The following LYST variants were observed in gnomAD, a reference collection of about 807,000 sequenced individuals.
LYST encodes the protein lysosomal-trafficking regulator.
Under a neutral mutation model 413.6 loss-of-function variants are expected in LYST, and 192 were observed. That is an observed-to-expected ratio of 0.46 (90% CI 0.41 to 0.52). The LOEUF is 0.52. LYST is among the 20% of genes least tolerant of loss of function. The pLI is 0.00. For synonymous variants in LYST, 1,525 were observed against 1,567.3 expected (o/e 0.97, Z 0.64); for missense variants, 3,815 against 4,499.9 (o/e 0.85, Z 4.35).
chr1:235,823,587 G>A (rs1233783931), intron 3 of LYST, among the ~76,000 whole-genome samples: 1 of 152,202 alleles, frequency 6.6e-6, no homozygotes, highest in Non-Finnish European at 1.5e-5. Context: ...CATGGCCTCT[G>A]CCCTTCAGGT....
At chr1:235,814,486 T>C (rs1241286818) in intron 3 of LYST, among the ~76,000 whole-genome samples, 1 of 152,132 alleles carries the variant, frequency 6.6e-6, no homozygotes, top group Non-Finnish European at 1.5e-5. Flanking sequence ...TGAAAAGGCT[T>C]CTATTGAAAA....
intron 22 of LYST, among the ~76,000 whole-genome samples, chr1:235,760,841 T>C (rs751219281): frequency 6.6e-6 from 1 of 152,234 alleles, no homozygotes; most frequent in African/African-American, 2.4e-5. Context: ...AGGGCTAAAG[T>C]TGCCAAAAGA....
Position 235,759,012 on chromosome 1 carries a change from C to A in LYST, c.6841G>T (p.Gly2281Cys). Residue 2281 changes from glycine (G) to cysteine (C), a missense_variant, in exon 23 of 53, where the codon GGT becomes TGT. Transcript: ENST00000389793. ...DDWENFAYSL[G>C]YEPNYNRTAS... The stretch of plus-strand genomic sequence containing the variant: ...GTTCGGTTGTAATTTGGCTCATAAC[C>A]AAGAGAATAGGCAAAGTTTTCCCAA... 5 of 1,614,008 alleles carry A rather than the reference C, an allele frequency of 3.1e-6. No individual in the cohort carries two copies. The highest frequency in any genetic ancestry group is 4.2e-6 in the Non-Finnish European group (5 of 1,179,970).
chr1:235,725,566 T>C (rs1386227511), intron 38 of LYST, among the ~76,000 whole-genome samples: 1 of 152,234 alleles, frequency 6.6e-6, no homozygotes, highest in Non-Finnish European at 1.5e-5. Context: ...CCTGCCATCA[T>C]ATAGATTTAG....
At chr1:235,852,144 T>C (rs1318055104) in intron 1 of LYST, among the ~76,000 whole-genome samples, 1 of 152,236 alleles carries the variant, frequency 6.6e-6, no homozygotes, top group African/African-American at 2.4e-5. Context: ...GATTGTGGTC[T>C]CCAGTTCCGT....
intron 17 of LYST, among the ~76,000 whole-genome samples, chr1:235,776,589 G>T (rs1387665864): frequency 6.6e-6 from 1 of 151,956 alleles, no homozygotes; most frequent in Admixed American, 6.6e-5. Context: ...TTTGCATCAG[G>T]ACAGATAATT....
At chr1:235,685,704 G>A (rs751066526) in intron 48 of LYST, among the ~76,000 whole-genome samples, 2 of 151,654 alleles carry the variant, frequency 1.3e-5, no homozygotes, top group Non-Finnish European at 2.9e-5. Flanking sequence ...AAATTAGCCG[G>A]GTGTGGTGGT....
At position 235,746,507 on chromosome 1, in the gene LYST, C is replaced by A. The variant is rs1346981598; in HGVS notation, c.7801G>T (p.Ala2601Ser). 1.2e-6 allele frequency: 2 copies of A among 1,613,314 alleles called. No individual in the cohort carries two copies. Among genetic ancestry groups the A allele is most frequent in the Non-Finnish European group, 1.7e-6 (2 of 1,179,570 alleles). The part of the protein sequence containing the change: ...SIAGPRKFPL[A>S]QTESLLMKMR... ...TTCATCAGAAGCGATTCAGTTTGAG[C>A]AAGGGGAAATTTTCGAGGACCTTTA... Residue 2601 changes from alanine to serine, a missense_variant, in exon 29 of 53, where the codon GCT (alanine) becomes TCT (serine). Around this residue, in one of 4 missense-constraint regions of LYST, gnomAD observed 771 missense variants for 837.1 expected, o/e 0.92. Coordinates refer to ENST00000389793, the MANE Select transcript of LYST (RefSeq NM_000081.4).
At chr1:235,720,584 T>C in intron 40 of LYST, 77 bp downstream of exon 40, 1 of 1,459,092 alleles carries the variant, frequency 6.9e-7, no homozygotes, top group South Asian at 1.2e-5. Flanking sequence ...TTTGAAATTT[T>C]TCATAATGAA....
chr1:235,805,424 G>C (rs1672708308), intron 6 of LYST, among the ~76,000 whole-genome samples: 1 of 151,954 alleles, frequency 6.6e-6, no homozygotes, highest in African/African-American at 2.4e-5. Flanking sequence ...ATGGTGAATG[G>C]GTGATCAGTT....
At chr1:235,867,252 A>T (rs998984894), upstream of LYST, among the ~76,000 whole-genome samples, 2 of 152,204 alleles carry the variant, frequency 1.3e-5, no homozygotes, top group African/African-American at 4.8e-5. Flanking sequence ...GACCCTGGGG[A>T]GTGCGAGCAC....
Position 235,674,254 on chromosome 1 carries a change from G to C in LYST, c.11038+2837C>G, listed in dbSNP as rs1369553054. On this transcript the variant is annotated intron_variant, in intron 50 of 52. Transcript: ENST00000389793. The surrounding 1 kb of genome is among the most constrained non-coding windows in gnomAD (Gnocchi z 4.1). ...AGAGTTAACCAGCCTGTCTGCCCTTGTTTTCATCCCCAAGCGGATGTATGG... is the reference window on the plus strand; with the variant it reads ...AGAGTTAACCAGCCTGTCTGCCCTTCTTTTCATCCCCAAGCGGATGTATGG... 6.6e-6 allele frequency among the ~76,000 whole-genome samples: 1 copy of C among 152,134 alleles called. No homozygotes were observed. Among genetic ancestry groups the C allele is most frequent in the Non-Finnish European group, 1.5e-5 (1 of 68,036 alleles).
At chr1:235,837,194 T>C (rs1483825640) in intron 1 of LYST, among the ~76,000 whole-genome samples, 3 of 151,942 alleles carry the variant, frequency 2.0e-5, no homozygotes, top group Admixed American at 1.3e-4. Flanking sequence ...GCTGAGTCAA[T>C]GGAGAGGGTA....
intron 3 of LYST, among the ~76,000 whole-genome samples, chr1:235,819,630 C>T (rs1674536977): frequency 6.6e-6 from 1 of 152,054 alleles, no homozygotes; most frequent in East Asian, 1.9e-4. Context: ...AATAACATAC[C>T]ACTCTTATTT....
At chr1:235,807,110 A>G (rs1022635572) in intron 5 of LYST, among the ~76,000 whole-genome samples, 13 of 152,214 alleles carry the variant, frequency 8.5e-5, no homozygotes, top group African/African-American at 3.1e-4. Context: ...CACCACAGCC[A>G]CCACCACACC....
chr1:235,805,685 T>C (rs1415947756), intron 6 of LYST, 58 bp downstream of exon 6: 1 of 915,824 alleles, frequency 1.1e-6, no homozygotes, highest in East Asian at 2.6e-5. Flanking sequence ...TATATATGTG[T>C]GTGTGTATAT....
chr1:235,713,553 C>T (rs1217231887), intron 42 of LYST, among the ~76,000 whole-genome samples: 2 of 152,154 alleles, frequency 1.3e-5, no homozygotes, highest in African/African-American at 4.8e-5. Context: ...CACTTTTGCC[C>T]TCCAGGGGTT....
At position 235,674,151 on chromosome 1, in the gene LYST, C is replaced by T. The variant is rs748611630; in HGVS notation, c.11038+2940G>A. Among the ~76,000 whole-genome samples, 1 of 152,082 alleles carries T rather than the reference C, an allele frequency of 6.6e-6. No homozygotes were observed. Among genetic ancestry groups the T allele is most frequent in the African/African-American group, 2.4e-5 (1 of 41,420 alleles). ...CTCCAAGTAACAATGTCAATTTTAC[C>T]TTGTGTCTCTCACGACAGGGGGAAT... On this transcript the variant is annotated intron_variant, in intron 50 of 52. Coordinates refer to ENST00000389793, the MANE Select transcript of LYST (RefSeq NM_000081.4). This position sits in a 1 kb window ranked among gnomAD's most constrained non-coding sequence, Gnocchi z 4.1.
In LYST at chr1:235,830,355, A is replaced by G. The variant is rs1198271634; in HGVS notation, c.63T>C (p.Asn21=). 1 of 1,613,894 alleles carries G rather than the reference A, an allele frequency of 6.2e-7. No homozygotes were observed. Among genetic ancestry groups the G allele is most frequent in the East Asian group, 2.2e-5 (1 of 44,860 alleles). The change falls in exon 3 of 53, where the codon AAT becomes AAC. Residue 21 remains asparagine (N), a synonymous_variant. Coordinates refer to ENST00000389793, the MANE Select transcript of LYST (RefSeq NM_000081.4). ...EFLTDVNRLC[N]AVVQRVEARE... ...TGGCCTCCACCCTCTGGACCACTGC[A>G]TTGCAAAGCCGGTTGACATCGGTCA...
Sources: allele counts gnomAD v4.1 joint callset (sites outside exome capture counted in the v4.1 genomes callset), GRCh38; gene constraint gnomAD v4.1.1; regional missense constraint gnomAD v4.1.1; non-coding constraint Gnocchi (gnomAD v3.1); transcripts MANE v1.5; gene names NCBI Gene and HGNC (gene_info 2026-07-23, HGNC 2026-07-21).